The following NME9 variants were observed in gnomAD, a reference collection of about 807,000 sequenced individuals.
The protein encoded by NME9 is NME/NM23 family member 9.
In NME9, 48 loss-of-function variants were observed where a neutral mutation model predicts 44.4. The ratio of observed to expected loss-of-function variants is 1.08; its 90% CI spans 0.86 to 1.37. The LOEUF is 1.37. NME9 is among the 40% of genes most tolerant of loss of function. The pLI is 0.00. For missense variants in NME9, 325 were observed against 405.2 expected, an observed-to-expected ratio of 0.80 and a Z score of 1.70; for synonymous variants, 139 against 147.1, an observed-to-expected ratio of 0.94 and a Z score of 0.40.
At chr3:138,294,681 CTTT>C (rs1435264684) in intron 8 of NME9, among the ~76,000 whole-genome samples, 2 of 152,246 alleles carry the variant, frequency 1.3e-5, no homozygotes, top group East Asian at 3.9e-4. Flanking sequence ...TGTAGACTTT[CTTT>C]CCATAGCTTA....
chr3:138,264,560 C>T (rs2048083802), intron 8 of NME9, among the ~76,000 whole-genome samples: 1 of 151,660 alleles, frequency 6.6e-6, no homozygotes, highest in African/African-American at 2.4e-5. Context: ...GCTAGGACTA[C>T]AGGTGCGCAC....
chr3:138,263,615 A>G (rs2047974159), intron 8 of NME9: 5 of 839,282 alleles, frequency 6.0e-6, no homozygotes, highest in Admixed American at 1.8e-5. Flanking sequence ...ATTGTTTGAG[A>G]GGTAAAAACT....
intron 8 of NME9, chr3:138,272,970 A>G (rs372033527): frequency 1.3e-6 from 2 of 1,593,184 alleles, no homozygotes; most frequent in African/African-American, 1.3e-5. Context: ...CTTTCAGAAT[A>G]TGGCATTTCA....
chr3:138,328,627 A>T (rs1458935725), intron 1 of NME9, among the ~76,000 whole-genome samples: 1 of 152,060 alleles, frequency 6.6e-6, no homozygotes, highest in Non-Finnish European at 1.5e-5. Context: ...TCTCCTTATG[A>T]CCAAGCACTC....
At chr3:138,267,614 T>C (rs1167753519) in intron 8 of NME9, among the ~76,000 whole-genome samples, 1 of 152,244 alleles carries the variant, frequency 6.6e-6, no homozygotes. Flanking sequence ...TTATAAATCA[T>C]TTCAAGGACA....
chr3:138,278,019 A>G (rs2049474632), intron 8 of NME9, among the ~76,000 whole-genome samples: 2 of 152,226 alleles, frequency 1.3e-5, no homozygotes, highest in Admixed American at 6.5e-5. Flanking sequence ...GCAAGATACT[A>G]TATGATCCCA....
intron 4 of NME9, 84 bp downstream of exon 4, chr3:138,318,064 G>A: frequency 1.1e-6 from 1 of 883,428 alleles, no homozygotes; most frequent in South Asian, 1.3e-5. Context: ...CTCCAAGAGT[G>A]AATTAATGTC....
intron 8 of NME9, among the ~76,000 whole-genome samples, chr3:138,264,391 A>G (rs555591269): frequency 1.1e-4 from 16 of 150,168 alleles, no homozygotes; most frequent in African/African-American, 3.4e-4. Context: ...GTGAGGGGGA[A>G]CTACAGGCCT....
intron 6 of NME9, among the ~76,000 whole-genome samples, chr3:138,309,731 CAAAAG>C (rs778066805): frequency 1.4e-5 from 2 of 144,292 alleles, no homozygotes; most frequent in African/African-American, 2.7e-5. Flanking sequence ...TAGACTGTCT[CAAAAG>C]AAAAAAAAAA....
In NME9 at chr3:138,306,025, G is replaced by T; in HGVS notation, c.615C>A (p.Phe205Leu). The change falls in exon 8 of 11, where the codon TTC becomes TTA. Residue 205 changes from phenylalanine (F) to leucine (L), a missense_variant. Transcript: ENST00000333911. ...RTMTEAEVRL[F>L]YQHKAGEEAF... ...TGACCTCTCCAGCTTTGTGTTGGTA[G>T]AAAAGTCGCACTTCTGCCTCTGTCA... 1 of 1,612,902 alleles carries T rather than the reference G, an allele frequency of 6.2e-7. No homozygotes were observed.
At chr3:138,316,941 A>G (rs1469270837) in intron 4 of NME9, among the ~76,000 whole-genome samples, 1 of 152,242 alleles carries the variant, frequency 6.6e-6, no homozygotes, top group African/African-American at 2.4e-5. Context: ...GTACTCACAA[A>G]GAAATGGATC....
intron 8 of NME9, chr3:138,264,069 AGTTT>A (rs2048017354): frequency 6.8e-7 from 1 of 1,460,410 alleles, no homozygotes; most frequent in Non-Finnish European, 9.6e-7. Context: ...AATGCCAGCC[AGTTT>A]GTTTGAAAAG....
chr3:138,328,707 C>T (rs944316142), intron 1 of NME9, among the ~76,000 whole-genome samples: 1 of 152,266 alleles, frequency 6.6e-6, no homozygotes, highest in Admixed American at 6.5e-5. Flanking sequence ...ATCTATTGTC[C>T]AGGACCAAGA....
intron 1 of NME9, among the ~76,000 whole-genome samples, chr3:138,327,871 T>A (rs2053890943): frequency 6.6e-6 from 1 of 152,126 alleles, no homozygotes; most frequent in African/African-American, 2.4e-5. Context: ...ACAAAAGTTA[T>A]TACCCCCATA....
At chr3:138,306,203 C>G in intron 7 of NME9, 107 bp from the exon 8 acceptor site, 2 of 896,516 alleles carry the variant, frequency 2.2e-6, no homozygotes, top group Non-Finnish European at 3.6e-6. Flanking sequence ...ACATTAAAGG[C>G]TGTGGAGACA....
At chr3:138,264,111 A>G (rs757679444) in intron 8 of NME9, 2 of 1,602,602 alleles carry the variant, frequency 1.2e-6, no homozygotes, top group South Asian at 2.2e-5. Context: ...TGTGAAGCTA[A>G]TTTTGATTAT....
intron 8 of NME9, among the ~76,000 whole-genome samples, chr3:138,305,322 G>C (rs1018592016): frequency 1.3e-5 from 2 of 152,204 alleles, no homozygotes; most frequent in African/African-American, 4.8e-5. Flanking sequence ...AAATTAGGCA[G>C]AGACATTTAA....
At chr3:138,294,199 G>T (rs1010231654) in intron 8 of NME9, among the ~76,000 whole-genome samples, 1 of 152,292 alleles carries the variant, frequency 6.6e-6, no homozygotes, top group Middle Eastern at 3.4e-3. Flanking sequence ...ATCACCTGAA[G>T]AATATATCTC....
chr3:138,318,094 G>A, intron 4 of NME9, 54 bp downstream of exon 4: 1 of 1,091,680 alleles, frequency 9.2e-7, no homozygotes. Context: ...CTTCTATTTT[G>A]AACTCTAATG....
Sources: allele counts gnomAD v4.1 joint callset (sites outside exome capture counted in the v4.1 genomes callset), GRCh38; gene constraint gnomAD v4.1.1; transcripts MANE v1.5; gene names NCBI Gene and HGNC (gene_info 2026-07-23, HGNC 2026-07-21).